FNDC8: variants seen among roughly 807,000 people sequenced by gnomAD.
FNDC8 encodes fibronectin type III domain-containing protein 8.
FNDC8 carries 23 observed loss-of-function variants against 24.8 expected under a neutral mutation model. The observed-to-expected ratio is 0.93, with a 90% CI of 0.67 to 1.31. The LOEUF (loss-of-function observed/expected upper bound fraction) is 1.31, where lower values mean the gene tolerates loss of function less well. Among genes scored for constraint, FNDC8 ranks in the 40% most tolerant of loss-of-function variants. The pLI is 0.00. For synonymous variants in FNDC8, 158 were observed against 165.3 expected, an observed-to-expected ratio of 0.96 and a Z score of 0.34; for missense variants, 371 against 398.2, an observed-to-expected ratio of 0.93 and a Z score of 0.58.
chr17:35,121,825 C>T lies in FNDC8; in HGVS notation c.132C>T (p.Thr44=), dbSNP rs776108112. 3.6e-5 allele frequency: 58 copies of T among 1,613,570 alleles called. No homozygotes were observed. The highest frequency in any genetic ancestry group is 4.7e-5 in the Non-Finnish European group (55 of 1,179,932). ...CAAACCCCAAGTCTATGAACCGGAC[C>T]GTCACTACCAAAGGACTCCCACTAG... ...PFSNPKSMNR[T]VTTKGLPLAS... The change falls in exon 1 of 4, where the codon ACC becomes ACT. Residue 44 remains threonine, a synonymous_variant. Coordinates refer to ENST00000158009, the MANE Select transcript of FNDC8 (RefSeq NM_017559.4).
chr17:35,129,961 G>A lies in FNDC8; in HGVS notation c.822+303G>A, dbSNP rs976061854. The A allele has an allele frequency of 1.3e-5, 18 of 1,371,588 alleles. No homozygotes were observed. The East Asian group carries it at 4.7e-4, about 36-fold the overall frequency. 85.0% of individuals were successfully genotyped at this position (1,371,588 alleles called of 1,614,324 possible). On this transcript the variant is annotated intron_variant, in intron 3 of 3. Coordinates refer to ENST00000158009, the MANE Select transcript of FNDC8 (RefSeq NM_017559.4). ...GTGCCCATGATTGTGAGTAGGCTGG[G>A]AAGTCAAGGGCATTGAAAGAAATAG... is the stretch of plus-strand genomic sequence containing the variant.
At chr17:35,129,047 G>A (rs577843490) in intron 2 of FNDC8, 30 of 206,776 alleles carry the variant, frequency 1.5e-4, no homozygotes, top group Admixed American at 2.6e-4. Flanking sequence ...ACCCTGAGCC[G>A]TGGGGAGCAG....
chr17:35,123,528 A>G (rs1472129815), intron 1 of FNDC8, among the ~76,000 whole-genome samples: 2 of 152,134 alleles, frequency 1.3e-5, no homozygotes, highest in Non-Finnish European at 2.9e-5. Context: ...ACTTGAAGTC[A>G]GGAGTTTGAG....
chr17:35,129,822 A>C (rs2091865707), intron 3 of FNDC8, 164 bp downstream of exon 3: 2 of 1,428,260 alleles, frequency 1.4e-6, no homozygotes, highest in East Asian at 5.1e-5. Context: ...TGCTTCTGGG[A>C]GGTTTAAGGA....
intron 1 of FNDC8, 63 bp downstream of exon 1, chr17:35,121,965 TCCTCCC>T: frequency 9.1e-7 from 1 of 1,103,728 alleles, no homozygotes; most frequent in Non-Finnish European, 1.3e-6. Flanking sequence ...CTCCCTTCCT[TCCTCCC>T]TTCCTTCCTT....
At chr17:35,129,885 C>T (rs993627504) in intron 3 of FNDC8, 1 of 1,411,338 alleles carries the variant, frequency 7.1e-7, no homozygotes, top group Non-Finnish European at 9.2e-7. Flanking sequence ...TTTTCAACAT[C>T]ACTATAATGT....
intron 3 of FNDC8, chr17:35,130,049 G>A (rs542881989): frequency 1.4e-6 from 2 of 1,407,846 alleles, no homozygotes; most frequent in African/African-American, 1.4e-5. Flanking sequence ...TAGGGGTATG[G>A]GGGTATAGAG....
At chr17:35,129,722 T>C in intron 3 of FNDC8, 64 bp downstream of exon 3, 6 of 1,567,350 alleles carry the variant, frequency 3.8e-6, no homozygotes, top group Non-Finnish European at 5.2e-6. Context: ...GAACCAGGGC[T>C]TTGGAGGTTG....
At chr17:35,126,913 A>G in intron 1 of FNDC8, 129 bp from the exon 2 acceptor site, 1 of 1,148,246 alleles carries the variant, frequency 8.7e-7, no homozygotes, top group South Asian at 1.6e-5. Flanking sequence ...CTATAGAGCA[A>G]TGAGGCTGTT....
chr17:35,130,211 G>C, intron 3 of FNDC8, 71 bp from the exon 4 acceptor site: 2 of 1,563,364 alleles, frequency 1.3e-6, no homozygotes, highest in Non-Finnish European at 1.7e-6. Flanking sequence ...AAAAAGGGGT[G>C]ATAGAGACAG....
intron 2 of FNDC8, among the ~76,000 whole-genome samples, chr17:35,127,738 A>G (rs2091854972): frequency 6.6e-6 from 1 of 152,224 alleles, no homozygotes; most frequent in Non-Finnish European, 1.5e-5. Flanking sequence ...GGAGGGAGGC[A>G]TTCCCTGGAG....
Position 35,130,600 on chromosome 17 carries a change from C to A in FNDC8, c.*166C>A, listed in dbSNP as rs928951574. 7.3e-6 allele frequency: 5 copies of A among 686,934 alleles called. No individual in the cohort carries two copies. The highest frequency in any genetic ancestry group is 9.5e-6 in the Non-Finnish European group (4 of 420,086). 42.6% of individuals were successfully genotyped at this position (686,934 alleles called of 1,614,324 possible). A position where few individuals can be genotyped will look rare whatever the true frequency, so the allele number is the denominator to read the frequency against. On this transcript the variant is annotated 3_prime_UTR_variant, in exon 4 of 4. Transcript: ENST00000158009. ...GGCTGGGGCCAAGGCTACATAGGGG[C>A]CCCATTCACCTGGAGGCATCTCAGG...
At chr17:35,130,095 C>A in intron 3 of FNDC8, 187 bp from the exon 4 acceptor site, 1 of 1,425,402 alleles carries the variant, frequency 7.0e-7, no homozygotes, top group Non-Finnish European at 9.1e-7. Flanking sequence ...TGGAAATATC[C>A]CATAATGAGG....
intron 1 of FNDC8, among the ~76,000 whole-genome samples, chr17:35,126,668 A>T (rs1173618806): frequency 1.3e-5 from 2 of 152,050 alleles, no homozygotes; most frequent in Non-Finnish European, 1.5e-5. Flanking sequence ...GCACTCAGCC[A>T]ATTTTTGTGT....
rs572996710 is a variant in FNDC8 at position 35,128,024 on chromosome 17, CAG to C, written c.585+608_585+609del. ...CGTCCTACACTATGGGAAGTGAAGACAGGGGACAGGATGGGGAATGTTAGTCT... is the reference window on the plus strand; with the variant it reads ...CGTCCTACACTATGGGAAGTGAAGACGGGACAGGATGGGGAATGTTAGTCT... On this transcript the variant is annotated intron_variant, in intron 2 of 3. Transcript: ENST00000158009. Among the ~76,000 whole-genome samples, 22 of 152,334 alleles carry C rather than the reference CAG, an allele frequency of 1.4e-4. No homozygotes were observed. The South Asian group carries it at 1.9e-3, about 13-fold the overall frequency.
chr17:35,126,766 C>G (rs1169809610), intron 1 of FNDC8, among the ~76,000 whole-genome samples: 1 of 152,204 alleles, frequency 6.6e-6, no homozygotes, highest in African/African-American at 2.4e-5. Context: ...TCCCAAAGTG[C>G]TGGGATTATA....
At chr17:35,129,733 G>A in intron 3 of FNDC8, 75 bp downstream of exon 3, 1 of 1,550,908 alleles carries the variant, frequency 6.4e-7, no homozygotes. Context: ...TTGGAGGTTG[G>A]GAACACCCCT....
intron 1 of FNDC8, among the ~76,000 whole-genome samples, chr17:35,122,157 CATATATATAT>C (rs1161260066): frequency 5.5e-5 from 2 of 36,460 alleles, no homozygotes; most frequent in African/African-American, 9.8e-5. Flanking sequence ...GGCTAATTTT[CATATATATAT>C]ATATATATAT....
chr17:35,121,983 CTTCCTTT>C, intron 1 of FNDC8, 81 bp downstream of exon 1: 4 of 956,570 alleles, frequency 4.2e-6, no homozygotes, highest in Admixed American at 3.3e-5. Flanking sequence ...TCCTTCCTTC[CTTCCTTT>C]TTTTTTTTTT....
Sources: gnomAD v4.1 joint callset for allele counts (sites outside exome capture counted in the v4.1 genomes callset) on GRCh38, gnomAD v4.1.1 for gene constraint, MANE v1.5 for transcripts, NCBI Gene and HGNC (gene_info 2026-07-23, HGNC 2026-07-21) for gene names.